PPP1CB: variants seen among roughly 807,000 people sequenced by gnomAD.
PPP1CB encodes the protein protein phosphatase 1 catalytic subunit beta.
A neutral mutation model predicts 43.7 loss-of-function variants in PPP1CB; 2 were observed. The ratio of observed to expected loss-of-function variants is 0.05; its 90% CI spans 0.02 to 0.14. The LOEUF (loss-of-function observed/expected upper bound fraction) is 0.14. PPP1CB is among the 10% of genes least tolerant of loss of function. The pLI is 1.00. For synonymous variants in PPP1CB, 136 were observed against 135.6 expected (o/e 1.00, Z -0.02); for missense variants, 84 against 398.0 (o/e 0.21, Z 6.71).
At chr2:28,752,328 C>A in intron 1 of PPP1CB, 152 bp downstream of exon 1, 2 of 751,862 alleles carry the variant, frequency 2.7e-6, no homozygotes, top group Non-Finnish European at 4.1e-6. Flanking sequence ...GAGGAGGGGG[C>A]GAGGAGGCTC....
intron 5 of PPP1CB, among the ~76,000 whole-genome samples, chr2:28,788,191 A>G (rs1416651177): frequency 6.6e-6 from 1 of 152,214 alleles, no homozygotes; most frequent in Non-Finnish European, 1.5e-5. Flanking sequence ...GCCCTACCAA[A>G]TATAAAGACT....
intron 2 of PPP1CB, 42 bp from the exon 3 acceptor site, chr2:28,778,767 A>G (rs1667090032): frequency 1.5e-6 from 2 of 1,318,984 alleles, no homozygotes; most frequent in African/African-American, 1.5e-5. Flanking sequence ...GCTGCTTATA[A>G]CAGTAACCAA....
chr2:28,800,226 C>CTTTTTTTTTTTTTTTTTTTTTCTTTTT lies in PPP1CB; in HGVS notation c.*944_*945insCTTTTTTTTTTTTTTTTTTTTTTTTTT, dbSNP rs1667583929. 1.5e-5 allele frequency: 1 copy of CTTTTTTTTTTTTTTTTTTTTTCTTTTT among 65,628 alleles called. No homozygotes were observed. The highest frequency in any genetic ancestry group is 2.7e-5 in the Non-Finnish European group (1 of 36,888). The allele number at this position is 65,628 out of a possible 1,614,324, so 4.1% of individuals were successfully genotyped here. ...TTGGTTTTCTTTTTCTTTTTTCTTT[C>CTTTTTTTTTTTTTTTTTTTTTCTTTTT]TTTTTTTTTTTTTTTTTTTTTTTGA... On this transcript the variant is annotated 3_prime_UTR_variant, in exon 8 of 8. Transcript: ENST00000395366.
intron 1 of PPP1CB, among the ~76,000 whole-genome samples, chr2:28,754,072 A>C (rs1226022374): frequency 3.3e-5 from 5 of 152,154 alleles, no homozygotes; most frequent in Non-Finnish European, 7.4e-5. Flanking sequence ...TGTAAATTTA[A>C]ATATTTTAAA....
intron 5 of PPP1CB, among the ~76,000 whole-genome samples, chr2:28,785,857 A>G (rs575802553): frequency 1.3e-5 from 2 of 152,036 alleles, no homozygotes; most frequent in South Asian, 4.2e-4. Flanking sequence ...TAATATAAAT[A>G]TGTATTACTG....
intron 6 of PPP1CB, 49 bp downstream of exon 6, chr2:28,788,858 T>C (rs1273553633): frequency 6.6e-7 from 1 of 1,506,270 alleles, no homozygotes; most frequent in South Asian, 1.3e-5. Flanking sequence ...TTCTTTTTTT[T>C]GGGGGCAGAC....
intron 1 of PPP1CB, among the ~76,000 whole-genome samples, chr2:28,754,756 T>C (rs772262647): frequency 2.0e-5 from 3 of 152,256 alleles, no homozygotes; most frequent in African/African-American, 4.8e-5. Flanking sequence ...AGATGCTAGT[T>C]AGTGATATTT....
rs928851890 is a variant in PPP1CB, at chr2:28,755,897, G to A, written c.52+3721G>A. On this transcript the variant is annotated intron_variant, in intron 1 of 7. Transcript: ENST00000395366. ...TTATGTGTCATATATGTGATAATAT[G>A]AAACTGTTTAGAATTTGCTTTTTCC... Among the ~76,000 whole-genome samples the A allele has an allele frequency of 3.9e-5, 6 of 152,162 alleles. No homozygotes were observed. In the South Asian group the frequency reaches 1.2e-3, roughly 31 times the overall value.
At chr2:28,775,599 A>G (rs1481339592) in intron 1 of PPP1CB, among the ~76,000 whole-genome samples, 2 of 151,726 alleles carry the variant, frequency 1.3e-5, no homozygotes, top group African/African-American at 4.8e-5. Context: ...CTGGTCTCGA[A>G]CTCCTGGCTT....
At chr2:28,779,474 T>C (rs1354372320) in intron 3 of PPP1CB, among the ~76,000 whole-genome samples, 1 of 152,198 alleles carries the variant, frequency 6.6e-6, no homozygotes, top group East Asian at 1.9e-4. Context: ...AGAATTTAAA[T>C]CTATGTCTGT....
At chr2:28,787,512 A>G (rs1667296050) in intron 5 of PPP1CB, among the ~76,000 whole-genome samples, 1 of 152,132 alleles carries the variant, frequency 6.6e-6, no homozygotes, top group African/African-American at 2.4e-5. Flanking sequence ...GAAAATCACC[A>G]TCACCATCTC....
In PPP1CB at chr2:28,792,807, G is replaced by A. The variant is rs1558311027; in HGVS notation, c.745-1056G>A. Among the ~76,000 whole-genome samples the A allele has an allele frequency of 7.9e-5, 12 of 152,176 alleles. 3 individuals are homozygous for A. The highest frequency in any genetic ancestry group is 4.8e-5 in the African/African-American group (2 of 41,514). On this transcript the variant is annotated intron_variant, in intron 6 of 7. Transcript: ENST00000395366. The stretch of plus-strand genomic sequence containing the variant: ...AAATTTAAAAGTAATCTTGCCCACC[G>A]TAAATAAATATAAAATATTTACATA...
At chr2:28,782,240 T>C (rs994828530) in intron 4 of PPP1CB, among the ~76,000 whole-genome samples, 9 of 152,188 alleles carry the variant, frequency 5.9e-5, no homozygotes, top group Admixed American at 4.6e-4. Flanking sequence ...CTTCATATAA[T>C]ATATTTGCTT....
At chr2:28,760,902 G>T (rs927529752) in intron 1 of PPP1CB, among the ~76,000 whole-genome samples, 4 of 152,054 alleles carry the variant, frequency 2.6e-5, no homozygotes, top group African/African-American at 7.2e-5. Flanking sequence ...AAAAAGACCA[G>T]ACCTTTTCTT....
At chr2:28,758,310 A>G (rs953424164) in intron 1 of PPP1CB, among the ~76,000 whole-genome samples, 4 of 152,244 alleles carry the variant, frequency 2.6e-5, no homozygotes, top group African/African-American at 9.6e-5. Flanking sequence ...TAACAGGTAA[A>G]GTAATACAGG....
intron 6 of PPP1CB, among the ~76,000 whole-genome samples, chr2:28,792,199 G>T (rs1461501773): frequency 6.6e-6 from 1 of 152,114 alleles, no homozygotes; most frequent in East Asian, 1.9e-4. Flanking sequence ...AATTAGCTGG[G>T]CACGGTGGCA....
At chr2:28,755,535 T>C (rs1666470152) in intron 1 of PPP1CB, among the ~76,000 whole-genome samples, 1 of 152,264 alleles carries the variant, frequency 6.6e-6, no homozygotes, top group African/African-American at 2.4e-5. Flanking sequence ...GGCCACATTC[T>C]TGTGGCTTAC....
chr2:28,754,028 G>T (rs888483349), intron 1 of PPP1CB, among the ~76,000 whole-genome samples: 2 of 152,030 alleles, frequency 1.3e-5, no homozygotes, highest in African/African-American at 4.8e-5. Context: ...GAGCCATCGC[G>T]CCCGGCATAT....
At chr2:28,785,125 G>C (rs1288052976) in intron 5 of PPP1CB, among the ~76,000 whole-genome samples, 1 of 129,918 alleles carries the variant, frequency 7.7e-6, no homozygotes, top group African/African-American at 2.9e-5. Flanking sequence ...ACCAGGCTGG[G>C]GGGCAGTGGT....
Sources: gnomAD v4.1 joint callset for allele counts (sites outside exome capture counted in the v4.1 genomes callset) on GRCh38, gnomAD v4.1.1 for gene constraint, MANE v1.5 for transcripts, NCBI Gene and HGNC (gene_info 2026-07-23, HGNC 2026-07-21) for gene names.